CCSER1: variants seen among roughly 807,000 people sequenced by gnomAD.
The protein encoded by CCSER1 is coiled-coil serine rich protein 1, also known as serine-rich coiled-coil domain-containing protein 1.
A neutral mutation model predicts 82.0 loss-of-function variants in CCSER1; 41 were observed. The ratio of observed to expected loss-of-function variants is 0.50; its 90% CI spans 0.39 to 0.65. CCSER1 has a LOEUF of 0.65. Ranked by LOEUF, CCSER1 falls within the 30% of genes least tolerant of loss-of-function variation. The pLI is 0.00. For missense variants in CCSER1, 1,119 were observed against 1,064.2 expected, an observed-to-expected ratio of 1.05 and a Z score of -0.72; for synonymous variants, 414 against 383.9, an observed-to-expected ratio of 1.08 and a Z score of -0.92.
chr4:91,000,820 T>G (rs1737972934), intron 9 of CCSER1, among the ~76,000 whole-genome samples: 2 of 152,128 alleles, frequency 1.3e-5, no homozygotes, highest in African/African-American at 4.8e-5. Context: ...TTCCAGGAGT[T>G]TTCTGGCAGA....
intron 10 of CCSER1, among the ~76,000 whole-genome samples, chr4:91,088,923 C>A (rs1439698607): frequency 6.6e-6 from 1 of 151,512 alleles, no homozygotes; most frequent in African/African-American, 2.4e-5. Flanking sequence ...TTTAAAATAC[C>A]TTTGTTATTT....
At chr4:90,915,413 C>T (rs936323806) in intron 8 of CCSER1, among the ~76,000 whole-genome samples, 1 of 152,136 alleles carries the variant, frequency 6.6e-6, no homozygotes, top group African/African-American at 2.4e-5. Flanking sequence ...AAGACAAAAA[C>T]CACATGATTA....
At chr4:91,386,770 A>T (rs930117119) in intron 10 of CCSER1, among the ~76,000 whole-genome samples, 15 of 152,090 alleles carry the variant, frequency 9.9e-5, no homozygotes, top group Non-Finnish European at 1.6e-4. Flanking sequence ...CTTATGTATT[A>T]GCCTTCCCAC....
chr4:90,496,358 A>G (rs1311665295), intron 5 of CCSER1, among the ~76,000 whole-genome samples: 4 of 152,224 alleles, frequency 2.6e-5, no homozygotes. Context: ...ATCTGTATTT[A>G]GGAGTTAGAA....
chr4:90,762,781 CT>C lies in CCSER1; in HGVS notation c.2010+38791del, dbSNP rs557891937. 1.1e-4 allele frequency among the ~76,000 whole-genome samples: 16 copies of C among 152,186 alleles called. No individual in the cohort carries two copies. In the South Asian group the frequency reaches 3.3e-3, roughly 32 times the overall value. ...AATTATCATGCCTTAATCCGGGAGC[CT>C]GTGTATGTTACCTTACTTGAAAAAG... is the stretch of plus-strand genomic sequence containing the variant. On this transcript the variant is annotated intron_variant, in intron 7 of 10. Coordinates refer to ENST00000509176, the MANE Select transcript of CCSER1 (RefSeq NM_001145065.2).
chr4:91,569,855 T>A (rs563181328), intron 10 of CCSER1, among the ~76,000 whole-genome samples: 52 of 152,216 alleles, frequency 3.4e-4, no homozygotes, highest in African/African-American at 1.3e-3. Context: ...TTTCTAACAG[T>A]TCCCTGCAGT....
At chr4:91,378,208 G>T (rs187628413) in intron 10 of CCSER1, among the ~76,000 whole-genome samples, 13 of 152,202 alleles carry the variant, frequency 8.5e-5, no homozygotes, top group Middle Eastern at 3.4e-3. Context: ...TGTTCTTTTG[G>T]CTTAGGATTG....
At chr4:90,695,042 ATG>A (rs200371299) in intron 6 of CCSER1, among the ~76,000 whole-genome samples, 170 of 147,844 alleles carry the variant, frequency 1.1e-3, no homozygotes, top group African/African-American at 4.1e-3. Flanking sequence ...ATTAGAATAT[ATG>A]TATATATATT....
intron 10 of CCSER1, among the ~76,000 whole-genome samples, chr4:91,582,268 T>C (rs1247721764): frequency 6.6e-6 from 1 of 151,602 alleles, no homozygotes; most frequent in Non-Finnish European, 1.5e-5. Flanking sequence ...TAACTGTACC[T>C]GACCTACCAT....
chr4:90,309,721 T>C (rs1734966492), intron 2 of CCSER1, 113 bp downstream of exon 2: 5 of 774,338 alleles, frequency 6.5e-6, no homozygotes, highest in Non-Finnish European at 2.0e-6. Context: ...GTTTTTCACT[T>C]TCGAAATGGT....
At chr4:90,247,099 G>A (rs1721546641) in intron 1 of CCSER1, among the ~76,000 whole-genome samples, 1 of 152,170 alleles carries the variant, frequency 6.6e-6, no homozygotes, top group African/African-American at 2.4e-5. Flanking sequence ...TGATTCACAT[G>A]AGGAACAAAG....
chr4:90,649,469 G>A (rs1728317888), intron 6 of CCSER1: 1 of 152,088 alleles, frequency 6.6e-6, no homozygotes. Flanking sequence ...TGAATCAGTA[G>A]GGTGGGTGCA....
rs893700870 is a variant in CCSER1, at chr4:90,815,747, T to C, written c.2011-15T>C. On this transcript the variant is annotated splice_polypyrimidine_tract_variant and intron_variant, in intron 7 of 10. Transcript: ENST00000509176. ...GGGCTAAGCCTATTATGCTGTCTCT[T>C]TGATGTTTTTATAGGATATAATGAA... is the stretch of plus-strand genomic sequence containing the variant. 128 of 1,540,596 alleles carry C rather than the reference T, an allele frequency of 8.3e-5. 1 individual carries two copies. Among genetic ancestry groups the C allele is most frequent in the Middle Eastern group, 1.7e-4 (1 of 6,000 alleles).
intron 3 of CCSER1, among the ~76,000 whole-genome samples, chr4:90,384,226 G>A (rs1294378754): frequency 2.0e-5 from 3 of 151,142 alleles, no homozygotes; most frequent in Admixed American, 6.6e-5. Context: ...GTGCCATGTT[G>A]GTGTGCTGCA....
chr4:90,306,211 A>G (rs1364869701), intron 1 of CCSER1, among the ~76,000 whole-genome samples: 1 of 152,122 alleles, frequency 6.6e-6, no homozygotes, highest in African/African-American at 2.4e-5. Context: ...GGGAATGGGG[A>G]AATAATGTTC....
At chr4:90,640,476 A>G (rs1220539074) in intron 6 of CCSER1, among the ~76,000 whole-genome samples, 1 of 152,170 alleles carries the variant, frequency 6.6e-6, no homozygotes, top group Non-Finnish European at 1.5e-5. Context: ...TTTCTTTTAA[A>G]AAGTATTATT....
intron 9 of CCSER1, among the ~76,000 whole-genome samples, chr4:91,075,589 T>A (rs577383356): frequency 2.6e-5 from 4 of 152,262 alleles, no homozygotes; most frequent in African/African-American, 9.6e-5. Context: ...GTACATCAAG[T>A]CTTTTGAAGA....
At chr4:90,614,210 C>CATATAGAA (rs1234869833) in intron 5 of CCSER1, among the ~76,000 whole-genome samples, 1 of 152,076 alleles carries the variant, frequency 6.6e-6, no homozygotes, top group Non-Finnish European at 1.5e-5. Flanking sequence ...GGACTGTGCC[C>CATATAGAA]ATATAGAAAT....
intron 7 of CCSER1, among the ~76,000 whole-genome samples, chr4:90,772,879 C>G (rs1446201838): frequency 6.6e-6 from 1 of 152,120 alleles, no homozygotes; most frequent in Non-Finnish European, 1.5e-5. Flanking sequence ...CTATTTTACT[C>G]TAATGAATAA....
Sources: gnomAD v4.1 joint callset for allele counts (sites outside exome capture counted in the v4.1 genomes callset) on GRCh38, gnomAD v4.1.1 for gene constraint, MANE v1.5 for transcripts, NCBI Gene and HGNC (gene_info 2026-07-23, HGNC 2026-07-21) for gene names.